Variants in FRMD4A observed in about 807,000 individuals in gnomAD.
The protein encoded by FRMD4A is FERM domain containing 4A.
In FRMD4A, 29 loss-of-function variants were observed where a neutral mutation model predicts 129.1. The observed-to-expected ratio is 0.22, with a 90% confidence interval of 0.17 to 0.31. The LOEUF (loss-of-function observed/expected upper bound fraction) is 0.31, where lower values mean the gene tolerates loss of function less well. Among genes scored for constraint, FRMD4A ranks in the 10% least tolerant of loss-of-function variants. The pLI, the probability that FRMD4A is intolerant of heterozygous loss-of-function variation, is 1.00. For synonymous variants in FRMD4A, 634 were observed against 571.6 expected (o/e 1.11, Z -1.56); for missense variants, 1,272 against 1,375.8 (o/e 0.92, Z 1.19).
intron 2 of FRMD4A, among the ~76,000 whole-genome samples, chr10:14,191,337 C>T (rs1842310369): frequency 1.3e-5 from 2 of 152,284 alleles, no homozygotes; most frequent in African/African-American, 4.8e-5. Flanking sequence ...CATAAAACAA[C>T]AGTCGTTGAG....
At chr10:13,739,278 T>C (rs1198689522) in intron 11 of FRMD4A, among the ~76,000 whole-genome samples, 1 of 152,224 alleles carries the variant, frequency 6.6e-6, no homozygotes, top group Admixed American at 6.5e-5. Context: ...ATTAAACCCC[T>C]GCCTCTGGGA....
Position 13,703,792 on chromosome 10 carries a change from G to A in FRMD4A, c.837-2314C>T, listed in dbSNP as rs138318354. On this transcript the variant is annotated intron_variant, in intron 13 of 24. Coordinates refer to ENST00000357447, the MANE Select transcript of FRMD4A (RefSeq NM_018027.5). ...AACACTGAGGCGGGTGGATCACGAG[G>A]TCAAGAGATTGAGACCATCCTGGCC... Among the ~76,000 whole-genome samples the A allele has an allele frequency of 6.3e-3, 961 of 152,290 alleles. 7 individuals are homozygous for A. The highest frequency in any genetic ancestry group is 0.019 in the African/African-American group (797 of 41,552).
intron 1 of FRMD4A, 27 bp downstream of exon 1, chr10:14,330,570 A>G (rs1014594403): frequency 7.4e-6 from 3 of 406,324 alleles, no homozygotes; most frequent in Non-Finnish European, 1.3e-5. Context: ...ATTCTGCTGC[A>G]TAAACATGCT....
chr10:13,789,754 T>G (rs1034165785), intron 5 of FRMD4A, among the ~76,000 whole-genome samples: 2 of 141,398 alleles, frequency 1.4e-5, no homozygotes, highest in Non-Finnish European at 3.1e-5. Flanking sequence ...TATTGACCGC[T>G]GCTGGCTGCT....
At chr10:14,068,333 T>C (rs1025441173) in intron 2 of FRMD4A, among the ~76,000 whole-genome samples, 2 of 152,102 alleles carry the variant, frequency 1.3e-5, no homozygotes, top group South Asian at 2.1e-4. Flanking sequence ...GAGAGTGAAA[T>C]GGTTATGCCT....
chr10:14,059,729 G>A (rs1007029847), intron 2 of FRMD4A, among the ~76,000 whole-genome samples: 2 of 152,174 alleles, frequency 1.3e-5, no homozygotes, highest in Non-Finnish European at 2.9e-5. Context: ...ACTCAATAAC[G>A]GAAGCTTCTC....
chr10:13,889,655 G>A (rs567254320), intron 2 of FRMD4A, among the ~76,000 whole-genome samples: 2 of 152,300 alleles, frequency 1.3e-5, no homozygotes, highest in African/African-American at 2.4e-5. Flanking sequence ...AAACAATATA[G>A]CAATAGCAGC....
At chr10:14,045,741 C>T (rs1488364436) in intron 2 of FRMD4A, among the ~76,000 whole-genome samples, 1 of 143,876 alleles carries the variant, frequency 7.0e-6, no homozygotes, top group Admixed American at 7.0e-5. Flanking sequence ...TAATTGTCTA[C>T]CAGACATATA....
chr10:13,695,356 G>T (rs1161831738), intron 14 of FRMD4A, among the ~76,000 whole-genome samples: 1 of 152,136 alleles, frequency 6.6e-6, no homozygotes, highest in Non-Finnish European at 1.5e-5. Context: ...GGCCAGGCTG[G>T]TCTCAAACTC....
At chr10:13,904,744 G>A (rs960301397) in intron 2 of FRMD4A, among the ~76,000 whole-genome samples, 2 of 152,176 alleles carry the variant, frequency 1.3e-5, no homozygotes, top group Middle Eastern at 3.2e-3. Flanking sequence ...TGTAATCCCA[G>A]CACTTTGGAA....
chr10:13,984,026 C>T (rs188930885), intron 2 of FRMD4A, among the ~76,000 whole-genome samples: 40 of 151,690 alleles, frequency 2.6e-4, no homozygotes, highest in Non-Finnish European at 4.7e-4. Flanking sequence ...CTGGGAACCA[C>T]GGCTCCTCAC....
chr10:13,727,509 G>A (rs2089986197), intron 12 of FRMD4A, among the ~76,000 whole-genome samples: 1 of 152,126 alleles, frequency 6.6e-6, no homozygotes, highest in Non-Finnish European at 1.5e-5. Context: ...CCTAGCTTCC[G>A]AGTTTCGTCT....
chr10:14,160,052 A>G (rs920456442), intron 2 of FRMD4A, among the ~76,000 whole-genome samples: 1 of 152,092 alleles, frequency 6.6e-6, no homozygotes, highest in African/African-American at 2.4e-5. Flanking sequence ...TCCGTCTCCA[A>G]AAAAAATATG....
At chr10:14,103,515 C>T (rs7086829) in intron 2 of FRMD4A, among the ~76,000 whole-genome samples, 13,708 of 151,970 alleles carry the variant, frequency 0.09, 2,044 homozygotes, top group African/African-American at 0.31. Flanking sequence ...CCAAAACAGC[C>T]CTGGATTAAC....
At chr10:13,940,808 A>T (rs1018319052) in intron 2 of FRMD4A, among the ~76,000 whole-genome samples, 1 of 152,176 alleles carries the variant, frequency 6.6e-6, no homozygotes, top group Non-Finnish European at 1.5e-5. Context: ...CTATAGATTC[A>T]TGGAAGGTTA....
chr10:13,712,939 A>G (rs934269452), intron 12 of FRMD4A, among the ~76,000 whole-genome samples: 27 of 152,216 alleles, frequency 1.8e-4, no homozygotes, highest in Non-Finnish European at 1.3e-4. Context: ...GGGCAGAGGA[A>G]GGGGCTTTGG....
intron 14 of FRMD4A, among the ~76,000 whole-genome samples, chr10:13,699,224 G>GTT (rs1168489802): frequency 0.049 from 3,689 of 75,974 alleles, 188 homozygotes; most frequent in South Asian, 0.098. Context: ...CTTGGTTATT[G>GTT]TTTTTTTTTT....
rs573376067 is a variant in FRMD4A at position 14,044,878 on chromosome 10, A to T, written c.46-185966T>A. On this transcript the variant is annotated intron_variant, in intron 2 of 24. Coordinates refer to ENST00000357447, the MANE Select transcript of FRMD4A (RefSeq NM_018027.5). ...GCCTATCTCTCGTCTACCAGATTGA[A>T]TTCAGCGATACCTTTGCCAGTCAGG... Among the ~76,000 whole-genome samples, 5 of 152,324 alleles carry T rather than the reference A, an allele frequency of 3.3e-5. No individual in the cohort carries two copies. In the South Asian group the frequency reaches 1.0e-3, roughly 32 times the overall value.
At position 13,811,416 on chromosome 10, in the gene FRMD4A, C is replaced by T. The variant is rs924494383; in HGVS notation, c.112-508G>A. ...CCAAAGTGCTGTGATTACAGACGTG[C>T]GCCATCACACCTGGCTAATTTTTGT... On this transcript the variant is annotated intron_variant, in intron 3 of 24. Coordinates refer to ENST00000357447, the MANE Select transcript of FRMD4A (RefSeq NM_018027.5). 1.7e-4 allele frequency among the ~76,000 whole-genome samples: 25 copies of T among 150,922 alleles called. 1 individual carries two copies. Among genetic ancestry groups the T allele is most frequent in the East Asian group, 7.8e-4 (4 of 5,106 alleles).
Sources: gnomAD v4.1 joint callset for allele counts (sites outside exome capture counted in the v4.1 genomes callset) on GRCh38, gnomAD v4.1.1 for gene constraint, MANE v1.5 for transcripts, NCBI Gene and HGNC (gene_info 2026-07-23, HGNC 2026-07-21) for gene names.